Variants in RAD51B observed in about 807,000 individuals in gnomAD.
The protein encoded by RAD51B is RAD51 paralog B.
A neutral mutation model predicts 42.2 loss-of-function variants in RAD51B; 38 were observed. The ratio of observed to expected loss-of-function variants is 0.90; its 90% CI spans 0.70 to 1.18. RAD51B has a LOEUF of 1.18. RAD51B is among the 50% of genes most tolerant of loss of function. RAD51B has a pLI of 0.00. For synonymous variants in RAD51B, 154 were observed against 145.2 expected (o/e 1.06, Z -0.43); for missense variants, 373 against 400.7 (o/e 0.93, Z 0.59).
chr14:68,561,346 G>T (rs1189621563), intron 10 of RAD51B, among the ~76,000 whole-genome samples: 1 of 152,198 alleles, frequency 6.6e-6, no homozygotes, highest in Non-Finnish European at 1.5e-5. Context: ...CTGTGGCAGA[G>T]CCTGGGAATC....
chr14:67,866,489 G>C (rs753274400), intron 5 of RAD51B, among the ~76,000 whole-genome samples: 4 of 152,216 alleles, frequency 2.6e-5, no homozygotes, highest in Non-Finnish European at 4.4e-5. Context: ...TGGGGAATTT[G>C]GGTAAAGAAT....
chr14:67,826,808 G>A (rs553816224), intron 3 of RAD51B, among the ~76,000 whole-genome samples: 6 of 151,692 alleles, frequency 4.0e-5, no homozygotes, highest in Non-Finnish European at 7.4e-5. Flanking sequence ...GCAGCCTCCC[G>A]AGTGGCTGGG....
intron 7 of RAD51B, among the ~76,000 whole-genome samples, chr14:67,960,528 A>G (rs1406386777): frequency 6.6e-6 from 1 of 152,226 alleles, no homozygotes; most frequent in East Asian, 1.9e-4. Context: ...GATAGCATCA[A>G]CATGAGTTTA....
intron 7 of RAD51B, among the ~76,000 whole-genome samples, chr14:68,221,734 A>G (rs1215010435): frequency 6.6e-6 from 1 of 152,216 alleles, no homozygotes; most frequent in Non-Finnish European, 1.5e-5. Flanking sequence ...GAAATAATCA[A>G]CAGAGTTAAC....
rs948111625 is a variant in RAD51B, at chr14:68,164,550, G to A, written c.757-127334G>A. Among the ~76,000 whole-genome samples the A allele has an allele frequency of 2.0e-5, 3 of 152,210 alleles. No individual in the cohort carries two copies. In the East Asian group the frequency reaches 5.8e-4, roughly 29 times the overall value. On this transcript the variant is annotated intron_variant, in intron 7 of 10. Coordinates refer to ENST00000471583, the MANE Select transcript of RAD51B (RefSeq NM_133510.4). ...TGCAAAGCTCCGCGGGCTTTCTGGGGCTAGTGATCCCCTTGGTGAGCATTG... is the reference window on the plus strand; with the variant it reads ...TGCAAAGCTCCGCGGGCTTTCTGGGACTAGTGATCCCCTTGGTGAGCATTG...
chr14:68,440,909 T>C (rs919639605), intron 9 of RAD51B, among the ~76,000 whole-genome samples: 2 of 152,228 alleles, frequency 1.3e-5, no homozygotes, highest in Non-Finnish European at 2.9e-5. Flanking sequence ...AATATTGATT[T>C]ATTTGGGATG....
intron 10 of RAD51B, among the ~76,000 whole-genome samples, chr14:68,649,613 C>A (rs1252935883): frequency 2.0e-5 from 3 of 152,174 alleles, no homozygotes; most frequent in Admixed American, 6.5e-5. Flanking sequence ...TTGTGCCAAG[C>A]CACATCAATA....
intron 7 of RAD51B, among the ~76,000 whole-genome samples, chr14:68,283,217 A>G (rs1178563792): frequency 6.6e-6 from 1 of 152,120 alleles, no homozygotes; most frequent in Admixed American, 6.5e-5. Flanking sequence ...ACAGGTAATA[A>G]AAACACCTAA....
intron 7 of RAD51B, among the ~76,000 whole-genome samples, chr14:68,095,482 T>C (rs1052723660): frequency 1.3e-5 from 2 of 152,196 alleles, no homozygotes; most frequent in East Asian, 1.9e-4. Context: ...AAGAAGTCTT[T>C]CTTTGCCAGA....
chr14:68,290,539 C>G (rs969632292), intron 7 of RAD51B, among the ~76,000 whole-genome samples: 2 of 152,110 alleles, frequency 1.3e-5, no homozygotes, highest in African/African-American at 4.8e-5. Flanking sequence ...AGAGTCCTTT[C>G]CAGGGATCTT....
At chr14:68,006,301 A>G (rs2075591025) in intron 7 of RAD51B, among the ~76,000 whole-genome samples, 1 of 152,136 alleles carries the variant, frequency 6.6e-6, no homozygotes, top group African/African-American at 2.4e-5. Flanking sequence ...TAGCTTCTCT[A>G]TGGGTATATT....
chr14:68,305,866 G>T (rs1015313226), intron 8 of RAD51B, among the ~76,000 whole-genome samples: 3 of 152,206 alleles, frequency 2.0e-5, no homozygotes, highest in African/African-American at 7.2e-5. Flanking sequence ...CATGGTATAG[G>T]TTGAAGTAGC....
chr14:68,372,112 G>A (rs2083277137), intron 8 of RAD51B, among the ~76,000 whole-genome samples: 1 of 152,194 alleles, frequency 6.6e-6, no homozygotes, highest in Non-Finnish European at 1.5e-5. Context: ...ATTTCAAGAA[G>A]CAAGGAGTTA....
intron 10 of RAD51B, among the ~76,000 whole-genome samples, chr14:68,494,732 G>A (rs28372565): frequency 1.3e-5 from 2 of 152,030 alleles, no homozygotes; most frequent in Non-Finnish European, 2.9e-5. Context: ...TTTTCCCTCG[G>A]ACTATAGCCT....
At chr14:67,948,823 T>G (rs1269299268) in intron 7 of RAD51B, among the ~76,000 whole-genome samples, 3 of 149,002 alleles carry the variant, frequency 2.0e-5, no homozygotes, top group Non-Finnish European at 4.4e-5. Context: ...TCCCATCTAC[T>G]TGGGAGGCTG....
intron 11 of RAD51B, chr14:68,682,961 G>A (rs1182983883): frequency 3.0e-6 from 3 of 990,862 alleles, no homozygotes; most frequent in Non-Finnish European, 3.6e-6. Context: ...GCTCTGAAAG[G>A]GGAAGGAAGC....
intron 7 of RAD51B, among the ~76,000 whole-genome samples, chr14:67,938,258 G>A (rs992480995): frequency 3.9e-5 from 6 of 152,196 alleles, no homozygotes; most frequent in Non-Finnish European, 8.8e-5. Flanking sequence ...GATGTCTTGT[G>A]ACTGGCTTAA....
Position 68,159,488 on chromosome 14 carries a change from C to T in RAD51B, c.757-132396C>T, listed in dbSNP as rs530862242. ...TACAAAAATTAGCCAGCCACGATGG[C>T]GTGTGCCTGTAATCCCAGCTACTCG... is the stretch of plus-strand genomic sequence containing the variant. On this transcript the variant is annotated intron_variant, in intron 7 of 10. Transcript: ENST00000471583. Among the ~76,000 whole-genome samples, 16 of 151,970 alleles carry T rather than the reference C, an allele frequency of 1.1e-4. No homozygotes were observed. The South Asian group carries it at 1.7e-3, about 16-fold the overall frequency.
chr14:68,039,536 T>C (rs1284059583), intron 7 of RAD51B, among the ~76,000 whole-genome samples: 1 of 152,054 alleles, frequency 6.6e-6, no homozygotes, highest in African/African-American at 2.4e-5. Context: ...AAAACTATTA[T>C]CTAATTCATT....
Sources: gnomAD v4.1 joint callset for allele counts (sites outside exome capture counted in the v4.1 genomes callset) on GRCh38, gnomAD v4.1.1 for gene constraint, MANE v1.5 for transcripts, NCBI Gene and HGNC (gene_info 2026-07-23, HGNC 2026-07-21) for gene names.